The following PCLO variants were observed in gnomAD, a reference collection of about 807,000 sequenced individuals.
The protein encoded by PCLO is protein piccolo.
Under a neutral mutation model 427.5 loss-of-function variants are expected in PCLO, and 82 were observed. The ratio of observed to expected loss-of-function variants is 0.19; its 90% confidence interval spans 0.16 to 0.23. The LOEUF (loss-of-function observed/expected upper bound fraction) is 0.23. Among genes scored for constraint, PCLO ranks in the 10% least tolerant of loss-of-function variants. The pLI is 1.00. For missense variants in PCLO, 6,239 were observed against 6,115.9 expected, an observed-to-expected ratio of 1.02 and a Z score of -0.67; for synonymous variants, 2,357 against 2,155.4, an observed-to-expected ratio of 1.09 and a Z score of -2.59.
rs1366058365 is a variant in PCLO, at chr7:82,999,622, TATA to T, written c.3301-33138_3301-33136del. ...ATAATATTATATATAAAATATAAAA[TATA>T]ATATTATATTAAAATATAAAATATA... On this transcript the variant is annotated intron_variant, in intron 3 of 24. Transcript: ENST00000333891. Among the ~76,000 whole-genome samples the T allele has an allele frequency of 3.4e-4, 20 of 59,464 alleles. 7 individuals are homozygous for T. The highest frequency in any genetic ancestry group is 3.0e-4 in the African/African-American group (3 of 9,938). 39.0% of individuals were successfully genotyped at this position (59,464 alleles called of 152,430 possible). A position where few individuals can be genotyped will look rare whatever the true frequency, so the allele number is the denominator to read the frequency against.
At position 82,954,567 on chromosome 7, in the gene PCLO, T is replaced by C. The variant is rs1010495301; in HGVS notation, c.6386A>G (p.Asp2129Gly). ...TGAAAAATGTTGGGTTATTTTAACA[T>C]CTGGGATAGAGAGTGTTGCACTGCT... ...STSSATLSIP[D>G]VKITQHFSTE... Residue 2129 changes from aspartate (D) to glycine (G), a missense_variant, in exon 5 of 25, where the codon GAT becomes GGT. Transcript: ENST00000333891. The C allele has an allele frequency of 6.2e-7, 1 of 1,613,962 alleles. No individual in the cohort carries two copies. The highest frequency in any genetic ancestry group is 8.5e-7 in the Non-Finnish European group (1 of 1,179,854).
At chr7:82,794,459 C>CTTTTTTTTTTTT (rs778108792) in intron 22 of PCLO, among the ~76,000 whole-genome samples, 1,065 of 56,296 alleles carry the variant, frequency 0.019, 360 homozygotes, top group Middle Eastern at 0.056. Flanking sequence ...AATTTTTTTT[C>CTTTTTTTTTTTT]TTTTTTTTTT....
At chr7:82,793,024 C>T (rs573557475) in intron 22 of PCLO, among the ~76,000 whole-genome samples, 6 of 149,354 alleles carry the variant, frequency 4.0e-5, no homozygotes, top group Non-Finnish European at 8.9e-5. Flanking sequence ...TTTTACAATT[C>T]GCTCAGCTTT....
intron 22 of PCLO, among the ~76,000 whole-genome samples, chr7:82,773,735 T>TA (rs1302972256): frequency 6.6e-6 from 1 of 151,988 alleles, no homozygotes; most frequent in Non-Finnish European, 1.5e-5. Context: ...TTTTTTTTTT[T>TA]ATTCTCTTCA....
intron 20 of PCLO, chr7:82,821,981 C>G: frequency 1.0e-6 from 1 of 986,120 alleles, no homozygotes; most frequent in Non-Finnish European, 1.2e-6. Flanking sequence ...ATGGCTTTTC[C>G]TCCAAGGTTC....
chr7:83,099,803 C>T (rs1790691439), intron 3 of PCLO, among the ~76,000 whole-genome samples: 1 of 150,900 alleles, frequency 6.6e-6, no homozygotes. Flanking sequence ...GAACATGATA[C>T]ATACTCCATA....
intron 10 of PCLO, among the ~76,000 whole-genome samples, chr7:82,852,496 C>T (rs78013707): frequency 6.6e-6 from 1 of 152,178 alleles, no homozygotes; most frequent in East Asian, 1.9e-4. Context: ...TGCCCTAGAA[C>T]ATCAGACTCC....
chr7:82,918,936 G>C (rs1002041116), intron 6 of PCLO, among the ~76,000 whole-genome samples: 2 of 151,984 alleles, frequency 1.3e-5, no homozygotes, highest in Admixed American at 6.6e-5. Flanking sequence ...ATAGTCCAAA[G>C]AACTTAATAA....
chr7:82,821,724 AT>A (rs2115639274), intron 20 of PCLO: 1 of 983,884 alleles, frequency 1.0e-6, no homozygotes, highest in Non-Finnish European at 1.2e-6. Flanking sequence ...GTTAGAAAAA[AT>A]ATCTGTAAAA....
chr7:82,793,257 C>T (rs371588869), intron 22 of PCLO, among the ~76,000 whole-genome samples: 121 of 152,230 alleles, frequency 7.9e-4, no homozygotes, highest in Non-Finnish European at 1.4e-3. Flanking sequence ...ACATTCTATG[C>T]CAGTGCTATC....
chr7:82,800,380 A>G (rs1017603624), intron 22 of PCLO, among the ~76,000 whole-genome samples: 10 of 152,132 alleles, frequency 6.6e-5, no homozygotes, highest in Non-Finnish European at 1.3e-4. Flanking sequence ...ATAGTGTGAC[A>G]TTTGGTGTCA....
chr7:82,889,985 A>C (rs186571405), intron 9 of PCLO, among the ~76,000 whole-genome samples: 234 of 151,892 alleles, frequency 1.5e-3, no homozygotes, highest in African/African-American at 5.5e-3. Flanking sequence ...TTTTAGCTTT[A>C]TAATTGTTAC....
intron 3 of PCLO, among the ~76,000 whole-genome samples, chr7:83,002,842 G>A (rs746057412): frequency 6.6e-6 from 1 of 151,706 alleles, no homozygotes; most frequent in Non-Finnish European, 1.5e-5. Context: ...GTATGTGCCA[G>A]GTACTGTTCA....
chr7:82,951,591 A>C (rs1334280765), intron 5 of PCLO, 101 bp from the exon 6 acceptor site: 22 of 878,382 alleles, frequency 2.5e-5, no homozygotes, highest in Non-Finnish European at 3.8e-5. Flanking sequence ...ATGAGACTGC[A>C]TGCAAATCCA....
intron 3 of PCLO, among the ~76,000 whole-genome samples, chr7:83,113,790 CA>C (rs1791064332): frequency 6.6e-6 from 1 of 151,432 alleles, no homozygotes; most frequent in Non-Finnish European, 1.5e-5. Flanking sequence ...GTGCTACAAA[CA>C]AAAGAAAAAA....
chr7:82,850,584 A>G (rs1446632785), intron 10 of PCLO, among the ~76,000 whole-genome samples: 1 of 152,136 alleles, frequency 6.6e-6, no homozygotes, highest in Non-Finnish European at 1.5e-5. Context: ...CTTGATCTAT[A>G]TTTAATATTT....
In PCLO at chr7:82,879,464, T is replaced by C; in HGVS notation, c.13529-2A>G. The C allele has an allele frequency of 6.3e-7, 1 of 1,584,304 alleles. No homozygotes were observed. The highest frequency in any genetic ancestry group is 8.6e-7 in the Non-Finnish European group (1 of 1,159,736). On this transcript the variant is annotated splice_acceptor_variant, in intron 9 of 24. Transcript: ENST00000333891. LOFTEE classifies it high-confidence loss of function. ...CAATTCTAATTCCTAATCCATTACC[T>C]GTATTAAACAATTAGCAAATTATTA...
chr7:83,043,912 C>CTTTTTTTTTTCTTT (rs1789034252), intron 3 of PCLO, among the ~76,000 whole-genome samples: 1 of 94,910 alleles, frequency 1.1e-5, no homozygotes, highest in Non-Finnish European at 2.0e-5. Flanking sequence ...CTATTATTTT[C>CTTTTTTTTTTCTTT]TTTTTTTTTT....
At chr7:82,850,989 T>C (rs1194837459) in intron 10 of PCLO, among the ~76,000 whole-genome samples, 1 of 152,094 alleles carries the variant, frequency 6.6e-6, no homozygotes, top group Non-Finnish European at 1.5e-5. Context: ...TGTCATCATA[T>C]TGGGACATAT....
Sources: allele counts gnomAD v4.1 joint callset (sites outside exome capture counted in the v4.1 genomes callset), GRCh38; gene constraint gnomAD v4.1.1; transcripts MANE v1.5; gene names NCBI Gene and HGNC (gene_info 2026-07-23, HGNC 2026-07-21).